PCDHGB1: variants seen among roughly 807,000 people sequenced by gnomAD.
PCDHGB1 encodes the protein protocadherin gamma-B1.
Under a neutral mutation model 56.6 loss-of-function variants are expected in PCDHGB1, and 34 were observed. The observed-to-expected ratio is 0.60, with a 90% confidence interval of 0.46 to 0.80. PCDHGB1 has a LOEUF of 0.80. PCDHGB1 is among the 30% of genes least tolerant of loss of function. PCDHGB1 has a pLI of 0.00. For missense variants in PCDHGB1, 1,278 were observed against 1,204.6 expected (o/e 1.06, Z -0.90); for synonymous variants, 561 against 505.9 (o/e 1.11, Z -1.46).
intron 1 of PCDHGB1, chr5:141,390,092 G>A (rs1469999630): frequency 1.9e-6 from 3 of 1,613,918 alleles, no homozygotes; most frequent in African/African-American, 2.7e-5. Context: ...CCGAATCCGT[G>A]GTTCCCCCCA....
chr5:141,404,909 CCT>C (rs1243432357), intron 1 of PCDHGB1: 1 of 1,613,798 alleles, frequency 6.2e-7, no homozygotes, highest in Admixed American at 1.7e-5. Flanking sequence ...TGGCCAGCCC[CCT>C]CTCTCGGCCA....
intron 1 of PCDHGB1, chr5:141,413,714 A>T: frequency 6.2e-7 from 1 of 1,613,586 alleles, no homozygotes; most frequent in Non-Finnish European, 8.5e-7. Flanking sequence ...AGCCCCAATA[A>T]GCACTTCTCC....
chr5:141,393,861 A>G (rs1324870023), intron 1 of PCDHGB1: 11 of 1,613,904 alleles, frequency 6.8e-6, no homozygotes, highest in Non-Finnish European at 9.3e-6. Context: ...AGTGATCATT[A>G]CGTCTTTGTT....
In PCDHGB1 at chr5:141,393,272, A is replaced by C. The variant is rs781226042; in HGVS notation, c.2409+40603A>C. The stretch of plus-strand genomic sequence containing the variant: ...TCGCGGTTCCTGGAGCACGTTATCC[A>C]CTCCCAGAAGCTGTTGACCCGGATG... On this transcript the variant is annotated intron_variant, in intron 1 of 3. Coordinates refer to ENST00000523390, the MANE Select transcript of PCDHGB1 (RefSeq NM_018922.3). The C allele has an allele frequency of 2.5e-6, 4 of 1,613,774 alleles. No homozygotes were observed. The Admixed American group carries it at 6.7e-5, about 27-fold the overall frequency.
chr5:141,393,744 G>T (rs770821376), intron 1 of PCDHGB1: 3 of 1,613,868 alleles, frequency 1.9e-6, no homozygotes, highest in South Asian at 2.2e-5. Context: ...AGATTATGAA[G>T]AATGTTCATT....
chr5:141,419,065 C>G (rs763008753), intron 1 of PCDHGB1: 2 of 1,613,786 alleles, frequency 1.2e-6, no homozygotes, highest in South Asian at 2.2e-5. Context: ...ATAATTACTA[C>G]AAGCTAGTAA....
intron 1 of PCDHGB1, chr5:141,390,048 T>C (rs1307418187): frequency 1.2e-6 from 2 of 1,613,948 alleles, no homozygotes; most frequent in African/African-American, 1.3e-5. Context: ...CCCCGCCTCC[T>C]GGAGCTGCTT....
intron 1 of PCDHGB1, chr5:141,388,189 G>A: frequency 1.3e-6 from 2 of 1,542,748 alleles, no homozygotes; most frequent in Admixed American, 1.7e-5. Context: ...AAGCCAGCTT[G>A]TGCTCTGGAA....
intron 1 of PCDHGB1, chr5:141,370,329 A>G: frequency 9.9e-6 from 14 of 1,407,454 alleles, no homozygotes; most frequent in Non-Finnish European, 1.2e-5. Context: ...CTGCTCGGAG[A>G]ACTCTTGGGA....
rs376819906 is a variant in PCDHGB1 at position 141,418,227 on chromosome 5, T to C, written c.2409+65558T>C. On this transcript the variant is annotated intron_variant, in intron 1 of 3. Transcript: ENST00000523390. ...AATATTTTTCATGTCATTGTGGTGA[T>C]TGAGGATGTTAATGACCACGCCCCT... The C allele has an allele frequency of 6.8e-6, 11 of 1,613,856 alleles. No homozygotes were observed. In the South Asian group the frequency reaches 7.7e-5, roughly 11 times the overall value.
chr5:141,358,336 A>G (rs1207700100), intron 1 of PCDHGB1, among the ~76,000 whole-genome samples: 1 of 152,206 alleles, frequency 6.6e-6, no homozygotes, highest in African/African-American at 2.4e-5. Context: ...CTATTGTTGG[A>G]TCTGGACTGA....
chr5:141,453,302 T>C (rs189741118), intron 1 of PCDHGB1, among the ~76,000 whole-genome samples: 18 of 152,008 alleles, frequency 1.2e-4, no homozygotes, highest in Middle Eastern at 6.8e-3. Flanking sequence ...TTTATTTATT[T>C]ATTTATTTAT....
At chr5:141,403,704 T>C (rs1207597755) in intron 1 of PCDHGB1, 2 of 1,613,846 alleles carry the variant, frequency 1.2e-6, no homozygotes, top group East Asian at 4.5e-5. Context: ...CGAGTTAAAG[T>C]CCTTGAGAAC....
chr5:141,422,410 T>C, intron 1 of PCDHGB1: 1 of 1,601,816 alleles, frequency 6.2e-7, no homozygotes, highest in Non-Finnish European at 8.5e-7. Context: ...GCCTTTTAAA[T>C]TAGAAAAGAC....
At chr5:141,423,034 G>A (rs769232324) in intron 1 of PCDHGB1, 1 of 1,614,200 alleles carries the variant, frequency 6.2e-7, no homozygotes, top group Non-Finnish European at 8.5e-7. Context: ...AGGCCAGAAC[G>A]CCTGGCTGTC....
rs1231167998 is a variant in PCDHGB1, at chr5:141,399,197, T to C, written c.2409+46528T>C. 1.9e-6 allele frequency: 3 copies of C among 1,613,808 alleles called. No individual in the cohort carries two copies. In the African/African-American group the frequency reaches 4.0e-5, roughly 22 times the overall value. On this transcript the variant is annotated intron_variant, in intron 1 of 3. Transcript: ENST00000523390. ...CTTGAAATGATTCTGGAAAACGCGGTGCCTGGAACACTAATTGCTTTGATC... is the reference window on the plus strand; with the variant it reads ...CTTGAAATGATTCTGGAAAACGCGGCGCCTGGAACACTAATTGCTTTGATC...
chr5:141,483,456 G>T (rs2099581503), intron 1 of PCDHGB1, among the ~76,000 whole-genome samples: 1 of 152,180 alleles, frequency 6.6e-6, no homozygotes, highest in Admixed American at 6.5e-5. Context: ...ATCAGGACTT[G>T]TTGATTGACA....
intron 1 of PCDHGB1, chr5:141,428,153 CT>C (rs2097116745): frequency 6.3e-7 from 1 of 1,581,370 alleles, no homozygotes; most frequent in Admixed American, 1.7e-5. Flanking sequence ...ACACGGGAAC[CT>C]GCTGGTTGCT....
intron 1 of PCDHGB1, among the ~76,000 whole-genome samples, chr5:141,437,450 G>A (rs2097885331): frequency 6.6e-6 from 1 of 152,148 alleles, no homozygotes; most frequent in Non-Finnish European, 1.5e-5. Context: ...GAATGTTGAG[G>A]AGACTATACT....
Sources: allele counts gnomAD v4.1 joint callset (sites outside exome capture counted in the v4.1 genomes callset), GRCh38; gene constraint gnomAD v4.1.1; transcripts MANE v1.5; gene names NCBI Gene and HGNC (gene_info 2026-07-23, HGNC 2026-07-21).